The following BTD variants were observed in gnomAD, a reference collection of about 807,000 sequenced individuals.
BTD encodes the protein biotinidase.
Under a neutral mutation model 17.7 loss-of-function variants are expected in BTD, and 13 were observed. The observed-to-expected ratio is 0.74, with a 90% CI of 0.48 to 1.17. BTD has a LOEUF of 1.17. BTD is among the 50% of genes most tolerant of loss of function. The probability of loss-of-function intolerance (pLI) is 0.00; values close to 1 mark genes in which losing one functional copy is unlikely to be tolerated. For synonymous variants in BTD, 240 were observed against 245.2 expected (o/e 0.98, Z 0.20); for missense variants, 674 against 650.4 (o/e 1.04, Z -0.39).
chr3:15,694,369 G>A (rs2069224572), intron 3 of BTD, among the ~76,000 whole-genome samples: 2 of 152,124 alleles, frequency 1.3e-5, no homozygotes, highest in South Asian at 4.1e-4. Context: ...ACCACAGAAT[G>A]TGTGTGTATA....
intron 2 of BTD, among the ~76,000 whole-genome samples, chr3:15,639,195 A>G (rs2065436909): frequency 6.6e-6 from 1 of 151,894 alleles, no homozygotes. Context: ...ATCAGACCCA[A>G]AATTTTGCCC....
rs1190731963 is a variant in BTD, at chr3:15,696,041, G to A, written c.400-14019G>A. The A allele has an allele frequency of 3.4e-6, 3 of 874,030 alleles. No homozygotes were observed. The East Asian group carries it at 8.1e-5, about 24-fold the overall frequency. The allele number at this position is 874,030 out of a possible 1,614,324, so 54.1% of individuals were successfully genotyped here. A position where few individuals can be genotyped will look rare whatever the true frequency, so the allele number is the denominator to read the frequency against. ...TCTGAAAATGTTAAAAAACAAAATGGAATTTGTTCCTTGATCCATTTATTC... is the reference window on the plus strand; with the variant it reads ...TCTGAAAATGTTAAAAAACAAAATGAAATTTGTTCCTTGATCCATTTATTC... On this transcript the variant is annotated intron_variant, in intron 3 of 3. Coordinates refer to the BTD transcript ENST00000672141.
At chr3:15,686,273 A>G in intron 3 of BTD, 1 of 1,591,210 alleles carries the variant, frequency 6.3e-7, no homozygotes, top group Non-Finnish European at 8.6e-7. Context: ...TGCATTTCCT[A>G]TTAATAGCCG....
chr3:15,715,336 A>G (rs2072876047), downstream of BTD, among the ~76,000 whole-genome samples: 1 of 152,232 alleles, frequency 6.6e-6, no homozygotes, highest in African/African-American at 2.4e-5. Flanking sequence ...TCACAGCAAC[A>G]TTCAGCATGC....
At chr3:15,641,803 G>A (rs1239173800) in intron 2 of BTD, 105 bp from the exon 3 acceptor site, 2 of 868,828 alleles carry the variant, frequency 2.3e-6, no homozygotes, top group Non-Finnish European at 3.8e-6. Flanking sequence ...CTGCTACAGA[G>A]TAACTTCCTG....
rs190319892 is a variant in BTD at position 15,671,353 on chromosome 3, G to T, written c.399+29296G>T. On this transcript the variant is annotated intron_variant, in intron 3 of 3. Transcript: ENST00000672141. Reference sequence around the variant, plus strand: ...GGGAGAGAAGTGATAATAGTGTGATGCCAAGCTTCAATTATACCATATGGA... The same window carrying T: ...GGGAGAGAAGTGATAATAGTGTGATTCCAAGCTTCAATTATACCATATGGA... Among the ~76,000 whole-genome samples the T allele has an allele frequency of 6.6e-5, 10 of 152,236 alleles. No homozygotes were observed. The East Asian group carries it at 1.9e-3, about 29-fold the overall frequency.
At chr3:15,714,262 TAC>T (rs1339616148), downstream of BTD, among the ~76,000 whole-genome samples, 2 of 151,962 alleles carry the variant, frequency 1.3e-5, no homozygotes, top group African/African-American at 4.8e-5. Context: ...ATATACAGAG[TAC>T]ACACATTAAT....
intron 1 of BTD, among the ~76,000 whole-genome samples, chr3:15,602,694 G>A (rs1162991524): frequency 1.3e-5 from 2 of 152,104 alleles, no homozygotes; most frequent in Admixed American, 6.5e-5. Context: ...AGAAGCACTG[G>A]AAGTGAAACG....
intron 1 of BTD, among the ~76,000 whole-genome samples, chr3:15,627,650 C>G (rs539918609): frequency 7.3e-4 from 111 of 152,268 alleles, no homozygotes; most frequent in South Asian, 2.7e-3. Flanking sequence ...TAAATTGTTT[C>G]TTTCATAATT....
intron 3 of BTD, among the ~76,000 whole-genome samples, chr3:15,666,710 T>A (rs1393378367): frequency 6.6e-6 from 1 of 152,190 alleles, no homozygotes; most frequent in African/African-American, 2.4e-5. Flanking sequence ...ATGCTCAGGA[T>A]TGCTAAGTGC....
intron 3 of BTD, chr3:15,642,295 A>T: frequency 7.1e-7 from 1 of 1,412,786 alleles, no homozygotes; most frequent in Non-Finnish European, 9.2e-7. Flanking sequence ...TAAATACAGG[A>T]ATGTATACTT....
intron 1 of BTD, among the ~76,000 whole-genome samples, chr3:15,610,012 G>C (rs1474456322): frequency 6.6e-6 from 1 of 151,754 alleles, no homozygotes; most frequent in East Asian, 1.9e-4. Flanking sequence ...TCACTACCTG[G>C]AATTGATTTT....
At chr3:15,681,678 T>C (rs2067561950) in intron 3 of BTD, among the ~76,000 whole-genome samples, 1 of 152,234 alleles carries the variant, frequency 6.6e-6, no homozygotes, top group Non-Finnish European at 1.5e-5. Context: ...AAAGTAATTT[T>C]TAGAAAAACC....
chr3:15,690,152 A>G (rs1300791346), intron 3 of BTD: 2 of 1,609,696 alleles, frequency 1.2e-6, no homozygotes, highest in Admixed American at 3.4e-5. Context: ...TTCCACTACT[A>G]TTTCTGACAT....
intron 3 of BTD, chr3:15,686,531 C>T (rs563012870): frequency 3.6e-6 from 2 of 551,888 alleles, no homozygotes; most frequent in Non-Finnish European, 3.2e-6. Flanking sequence ...GGCAGACCGC[C>T]TACCCAGCAC....
At chr3:15,669,694 A>C (rs1316357846) in intron 3 of BTD, 1 of 152,566 alleles carries the variant, frequency 6.6e-6, no homozygotes, top group African/African-American at 2.4e-5. Flanking sequence ...AACAAAACCC[A>C]AAAAAACTCA....
intron 1 of BTD, among the ~76,000 whole-genome samples, chr3:15,611,077 G>T (rs952761956): frequency 6.6e-6 from 1 of 151,964 alleles, no homozygotes; most frequent in African/African-American, 2.4e-5. Flanking sequence ...AAATTTAACT[G>T]GGCCACCTGT....
intron 1 of BTD, among the ~76,000 whole-genome samples, chr3:15,615,137 A>G (rs1427968312): frequency 6.6e-6 from 1 of 152,154 alleles, no homozygotes; most frequent in Non-Finnish European, 1.5e-5. Context: ...CTTCAAGAAG[A>G]GAGTATGTGG....
At chr3:15,677,543 A>G (rs548971260) in intron 3 of BTD, 38 of 1,612,540 alleles carry the variant, frequency 2.4e-5, no homozygotes, top group Middle Eastern at 3.3e-4. Context: ...GTTCTGCACT[A>G]GCACTGCTAA....
Sources: allele counts gnomAD v4.1 joint callset (sites outside exome capture counted in the v4.1 genomes callset), GRCh38; gene constraint gnomAD v4.1.1; transcripts MANE v1.5; gene names NCBI Gene and HGNC (gene_info 2026-07-23, HGNC 2026-07-21).